The following ASXL1 variants were observed in gnomAD, a reference collection of about 807,000 sequenced individuals.
ASXL1 encodes the protein polycomb group protein ASXL1.
Under a neutral mutation model 89.1 loss-of-function variants are expected in ASXL1, and 65 were observed. That is an observed-to-expected ratio of 0.73 (90% CI 0.60 to 0.90). The LOEUF (loss-of-function observed/expected upper bound fraction) is 0.90. ASXL1 is among the 40% of genes least tolerant of loss of function. The pLI is 0.00. For missense variants in ASXL1, 1,786 were observed against 1,942.9 expected (o/e 0.92, Z 1.52); for synonymous variants, 739 against 746.9 (o/e 0.99, Z 0.17).
intron 4 of ASXL1, among the ~76,000 whole-genome samples, chr20:32,376,138 A>G (rs952990619): frequency 3.3e-5 from 5 of 152,178 alleles, no homozygotes; most frequent in African/African-American, 1.2e-4. Flanking sequence ...CAAAGGATGA[A>G]AGTGGTGGGA....
intron 4 of ASXL1, among the ~76,000 whole-genome samples, chr20:32,399,747 CTTTTT>C (rs369127811): frequency 1.4e-5 from 1 of 73,876 alleles, no homozygotes; most frequent in African/African-American, 6.8e-5. Context: ...ATATTTTACT[CTTTTT>C]TTTTTTTTTT....
intron 4 of ASXL1, among the ~76,000 whole-genome samples, chr20:32,409,397 G>C (rs2049007826): frequency 6.6e-6 from 1 of 152,154 alleles, no homozygotes; most frequent in Non-Finnish European, 1.5e-5. Flanking sequence ...CATAATTTCA[G>C]ACACGATTGT....
Position 32,434,545 on chromosome 20 carries a change from C to T in ASXL1, c.1833C>T (p.Ala611=). ...CCTCCTGCCGGGGTTGGACTGGCGCCAGGACCCTCGCAGACATTAAAGCCC... is the reference window on the plus strand; with the variant it reads ...CCTCCTGCCGGGGTTGGACTGGCGCTAGGACCCTCGCAGACATTAAAGCCC... The part of the protein sequence containing the change: ...TESSCRGWTG[A]RTLADIKARA... The change falls in exon 13 of 13, where the codon GCC becomes GCT. Residue 611 remains alanine (A), a synonymous_variant. Transcript: ENST00000375687. 1 of 1,613,886 alleles carries T rather than the reference C, an allele frequency of 6.2e-7. No homozygotes were observed. The highest frequency in any genetic ancestry group is 8.5e-7 in the Non-Finnish European group (1 of 1,180,034).
At position 32,406,254 on chromosome 20, in the gene ASXL1, A is replaced by C. The variant is rs930181752; in HGVS notation, c.253-21874A>C. ...ATATGTATAAGTCCTTTTTCCAACA[A>C]TAATAAATCTGGGCTGGGCGCAGTG... On this transcript the variant is annotated intron_variant, in intron 4 of 12. Transcript: ENST00000375687. 2.6e-5 allele frequency among the ~76,000 whole-genome samples: 4 copies of C among 152,004 alleles called. No homozygotes were observed. The South Asian group carries it at 8.3e-4, about 31-fold the overall frequency.
chr20:32,385,973 A>G (rs1234187289), intron 4 of ASXL1, among the ~76,000 whole-genome samples: 1 of 152,182 alleles, frequency 6.6e-6, no homozygotes, highest in Non-Finnish European at 1.5e-5. Flanking sequence ...TCCTGGCCAC[A>G]GGTTTCAAGA....
At chr20:32,427,174 T>C (rs2011337968) in intron 4 of ASXL1, 3 of 152,226 alleles carry the variant, frequency 2.0e-5, no homozygotes, top group Admixed American at 1.3e-4. Flanking sequence ...TTCTTGGGAA[T>C]GGGTAGAGTT....
At chr20:32,414,385 T>C (rs1394673555) in intron 4 of ASXL1, among the ~76,000 whole-genome samples, 2 of 152,034 alleles carry the variant, frequency 1.3e-5, no homozygotes, top group Non-Finnish European at 2.9e-5. Flanking sequence ...TAGCAGATTG[T>C]TCATGTTCTT....
intron 4 of ASXL1, among the ~76,000 whole-genome samples, chr20:32,411,591 G>A (rs1205288945): frequency 6.8e-6 from 1 of 146,126 alleles, no homozygotes. Context: ...GCCCAGGCTG[G>A]AGTGCAGTAG....
chr20:32,425,771 A>G (rs527884284), intron 4 of ASXL1, among the ~76,000 whole-genome samples: 10 of 152,116 alleles, frequency 6.6e-5, no homozygotes, highest in African/African-American at 2.4e-4. Flanking sequence ...CAGTGGCACA[A>G]TCTTGGCTCA....
rs770762273 is a variant in ASXL1, at chr20:32,435,014, C to T, written c.2302C>T (p.Gln768Ter). The change falls in exon 13 of 13, where the codon CAA (glutamine) becomes TAA (stop). Residue 768 changes from glutamine (Q) to a stop codon, truncating the protein, a stop_gained. Transcript: ENST00000375687. LOFTEE classifies it low-confidence loss of function (END_TRUNC). Reference protein sequence around the residue: ...PCQALPLLSSQTSVAERLVEQ... With the variant: ...PCQALPLLSS ...CCAGGCCTTGCCCCTACTGTCCTCC[C>T]AAACCTCAGTAGCTGAGAGATTAGT... 2.5e-6 allele frequency: 4 copies of T among 1,614,022 alleles called. No individual in the cohort carries two copies. The highest frequency in any genetic ancestry group is 1.7e-5 in the Admixed American group (1 of 60,008).
Position 32,438,517 on chromosome 20 carries a change from G to T in ASXL1, c.*1179G>T. ...TGCCCGATGCCCTGTTGGGTCACCG[G>T]CTGGACCTGCTGCAGCCTGCAGAGC... On this transcript the variant is annotated 3_prime_UTR_variant, in exon 13 of 13. Transcript: ENST00000375687. 1 of 233,570 alleles carries T rather than the reference G, an allele frequency of 4.3e-6. No individual in the cohort carries two copies. Among genetic ancestry groups the T allele is most frequent in the Non-Finnish European group, 8.5e-6 (1 of 118,034 alleles). The allele number at this position is 233,570 out of a possible 1,614,324, so 14.5% of individuals were successfully genotyped here.
At chr20:32,393,741 A>G (rs1246311366) in intron 4 of ASXL1, among the ~76,000 whole-genome samples, 2 of 152,140 alleles carry the variant, frequency 1.3e-5, no homozygotes, top group African/African-American at 4.8e-5. Flanking sequence ...AAGTGCTGGG[A>G]TTACAGGTGT....
At position 32,435,795 on chromosome 20, in the gene ASXL1, C is replaced by T. The variant is rs200702600; in HGVS notation, c.3083C>T (p.Ser1028Leu). Reference protein sequence around the residue: ...TREAAVTKGSSVDKDEKPNWN... With the variant: ...TREAAVTKGSLVDKDEKPNWN... ...GAAGCTGCAGTGACAAAGGGATCTT[C>T]GGTGGACAAGGATGAGAAACCCAAT... Residue 1028 changes from serine (S) to leucine (L), a missense_variant, in exon 13 of 13, where the codon TCG becomes TTG. Coordinates refer to ENST00000375687, the MANE Select transcript of ASXL1 (RefSeq NM_015338.6). The T allele has an allele frequency of 1.9e-4, 303 of 1,614,070 alleles. 2 individuals carry two copies. Among genetic ancestry groups the T allele is most frequent in the Non-Finnish European group, 2.3e-4 (267 of 1,180,050 alleles).
chr20:32,416,131 A>G (rs1044909608), intron 4 of ASXL1, among the ~76,000 whole-genome samples: 143 of 152,252 alleles, frequency 9.4e-4, no homozygotes, highest in African/African-American at 3.4e-3. Context: ...ATATTTTGAT[A>G]CCTGTATGCA....
At chr20:32,427,947 A>C in intron 4 of ASXL1, 181 bp from the exon 5 acceptor site, 1 of 830,170 alleles carries the variant, frequency 1.2e-6, no homozygotes, top group Non-Finnish European at 1.9e-6. Flanking sequence ...AAGTGTATCT[A>C]ACTTTCTTAA....
chr20:32,390,763 T>C (rs569700833), intron 4 of ASXL1, among the ~76,000 whole-genome samples: 1 of 152,364 alleles, frequency 6.6e-6, no homozygotes, highest in South Asian at 2.1e-4. Flanking sequence ...GTCCTTGCAG[T>C]ACTGTCTTTT....
rs531980247 is a variant in ASXL1 at position 32,406,014 on chromosome 20, A to C, written c.253-22114A>C. 2.2e-4 allele frequency among the ~76,000 whole-genome samples: 34 copies of C among 152,196 alleles called. No homozygotes were observed. The South Asian group carries it at 5.8e-3, about 26-fold the overall frequency. ...TATACAGTCATAGTTAGAAGCCAAG[A>C]TCTAGTTTCTAAATGTTTGCTGCTG... On this transcript the variant is annotated intron_variant, in intron 4 of 12. Transcript: ENST00000375687.
chr20:32,358,855 G>A (rs1264069692), intron 1 of ASXL1, 23 bp downstream of exon 1: 2 of 1,496,762 alleles, frequency 1.3e-6, no homozygotes, highest in South Asian at 1.3e-5. Flanking sequence ...GCCGAGGGGG[G>A]CTCCGTGGGG....
chr20:32,430,636 G>GT (rs1335786706), intron 8 of ASXL1: 26 of 228,528 alleles, frequency 1.1e-4, no homozygotes, highest in Admixed American at 2.6e-4. Context: ...CCACATGCTG[G>GT]TTTTTTTTGT....
Sources: gnomAD v4.1 joint callset for allele counts (sites outside exome capture counted in the v4.1 genomes callset) on GRCh38, gnomAD v4.1.1 for gene constraint, MANE v1.5 for transcripts, NCBI Gene and HGNC (gene_info 2026-07-23, HGNC 2026-07-21) for gene names.